Variants in MYO16 observed in about 807,000 individuals in gnomAD.
MYO16 encodes unconventional myosin-XVI.
In MYO16, 94 loss-of-function variants were observed where a neutral mutation model predicts 205.3. The ratio of observed to expected loss-of-function variants is 0.46; its 90% CI spans 0.39 to 0.54. The LOEUF is 0.54. MYO16 is among the 20% of genes least tolerant of loss of function. The pLI is 0.00. For missense variants in MYO16, 2,315 were observed against 2,387.5 expected, an observed-to-expected ratio of 0.97 and a Z score of 0.63; for synonymous variants, 988 against 954.0, an observed-to-expected ratio of 1.04 and a Z score of -0.66.
At chr13:109,143,150 T>C (rs1212595036) in intron 32 of MYO16, among the ~76,000 whole-genome samples, 2 of 152,096 alleles carry the variant, frequency 1.3e-5, no homozygotes, top group Non-Finnish European at 2.9e-5. Context: ...TATGCATGCA[T>C]TAACCTGCTC....
chr13:108,742,649 A>G (rs770922626), intron 4 of MYO16, among the ~76,000 whole-genome samples: 1 of 152,222 alleles, frequency 6.6e-6, no homozygotes, highest in South Asian at 2.1e-4. Flanking sequence ...CAGATTGAGA[A>G]GCCTTTTTGT....
At chr13:108,771,915 G>T (rs72668525) in intron 4 of MYO16, among the ~76,000 whole-genome samples, 1 of 152,148 alleles carries the variant, frequency 6.6e-6, no homozygotes. Context: ...TATCTTGGTT[G>T]CTTCTAAGTT....
chr13:108,724,791 G>A (rs940196017), intron 3 of MYO16, among the ~76,000 whole-genome samples: 4 of 151,586 alleles, frequency 2.6e-5, no homozygotes, highest in South Asian at 2.1e-4. Flanking sequence ...TCCCCTTCCC[G>A]CCTTTGTTTT....
In MYO16 at chr13:108,646,445, G is replaced by C. The variant is rs543603820; in HGVS notation, c.28+16573G>C. On this transcript the variant is annotated intron_variant, in intron 1 of 34. Transcript: ENST00000457511. ...TAATCAAAGTTATGGAAAAAAATCT[G>C]TTATGCATTAAGGGAATTCCTCGTG... Among the ~76,000 whole-genome samples, 408 of 152,302 alleles carry C rather than the reference G, an allele frequency of 2.7e-3. 1 individual carries two copies. The highest frequency in any genetic ancestry group is 0.01 in the Middle Eastern group (3 of 294).
intron 34 of MYO16, among the ~76,000 whole-genome samples, chr13:109,191,647 A>G (rs1466619197): frequency 1.3e-5 from 2 of 152,164 alleles, no homozygotes; most frequent in Non-Finnish European, 2.9e-5. Flanking sequence ...GCATGCCTGC[A>G]TTGCAAAAAG....
At chr13:108,580,735 A>T in the MYO16 span, among the ~76,000 whole-genome samples, 2 of 152,298 alleles carry the variant, frequency 1.3e-5, no homozygotes, top group Middle Eastern at 6.8e-3. Flanking sequence ...CCTGGAGATG[A>T]TCCCAGTGGC....
At chr13:108,554,829 G>A in the MYO16 span, among the ~76,000 whole-genome samples, 5 of 129,088 alleles carry the variant, frequency 3.9e-5, no homozygotes, top group African/African-American at 1.1e-4. Context: ...CAGCCTGGGC[G>A]ACAGAGAGAG....
At chr13:108,679,722 AT>A (rs200004209) in intron 2 of MYO16, among the ~76,000 whole-genome samples, 9,211 of 142,582 alleles carry the variant, frequency 0.065, 713 homozygotes, top group East Asian at 0.2. Context: ...AAAAAAAAAA[AT>A]AATAATAATA....
At chr13:108,954,751 A>G (rs1883283671) in intron 16 of MYO16, among the ~76,000 whole-genome samples, 1 of 152,136 alleles carries the variant, frequency 6.6e-6, no homozygotes, top group African/African-American at 2.4e-5. Flanking sequence ...AATAGTAATA[A>G]TAATAATAAA....
intron 34 of MYO16, among the ~76,000 whole-genome samples, chr13:109,201,025 T>C (rs949306222): frequency 1.3e-5 from 2 of 152,098 alleles, no homozygotes; most frequent in Non-Finnish European, 2.9e-5. Flanking sequence ...AACTGCTGGG[T>C]AGAGATTTGG....
intron 4 of MYO16, among the ~76,000 whole-genome samples, chr13:108,785,187 A>T (rs1000335751): frequency 2.6e-5 from 4 of 152,162 alleles, no homozygotes; most frequent in African/African-American, 9.6e-5. Context: ...TTCTGTGGAG[A>T]AAAAGGAGGT....
intron 3 of MYO16, among the ~76,000 whole-genome samples, chr13:108,714,203 C>T (rs1883839693): frequency 6.6e-6 from 1 of 152,026 alleles, no homozygotes; most frequent in African/African-American, 2.4e-5. Context: ...CTACAGGCAC[C>T]CGCCATCACG....
chr13:109,173,887 CAAAAAAA>C (rs778094207), intron 33 of MYO16, among the ~76,000 whole-genome samples: 475 of 29,040 alleles, frequency 0.016, 1 homozygote, highest in Non-Finnish European at 0.024. Flanking sequence ...GACTCCATCT[CAAAAAAA>C]AAAAAAAAAA....
At position 108,956,531 on chromosome 13, in the gene MYO16, C is replaced by T. The variant is rs201681129; in HGVS notation, c.1926-1157C>T. Among the ~76,000 whole-genome samples, 5 of 135,952 alleles carry T rather than the reference C, an allele frequency of 3.7e-5. No individual in the cohort carries two copies. The South Asian group carries it at 1.2e-3, about 32-fold the overall frequency. The allele number at this position is 135,952 out of a possible 152,430, so 89.2% of individuals were successfully genotyped here. On this transcript the variant is annotated intron_variant, in intron 16 of 34. Coordinates refer to ENST00000457511, the MANE Select transcript of MYO16 (RefSeq NM_001198950.3). ...AAGACATGACAAACTCTTTTTTTTTCCAAGCTATACAAAGCCCTGGCTACT... is the reference window on the plus strand; with the variant it reads ...AAGACATGACAAACTCTTTTTTTTTTCAAGCTATACAAAGCCCTGGCTACT...
intron 28 of MYO16, among the ~76,000 whole-genome samples, chr13:109,107,075 A>G (rs1889141466): frequency 6.6e-6 from 1 of 152,188 alleles, no homozygotes; most frequent in Non-Finnish European, 1.5e-5. Context: ...ACTTCATCCC[A>G]AGTACCGGCA....
At chr13:109,098,447 T>C (rs887393466) in intron 27 of MYO16, among the ~76,000 whole-genome samples, 3 of 152,128 alleles carry the variant, frequency 2.0e-5, no homozygotes, top group African/African-American at 7.2e-5. Flanking sequence ...AAAGAGGTGG[T>C]AGATGGTTGG....
intron 9 of MYO16, among the ~76,000 whole-genome samples, chr13:108,838,361 A>G (rs1055912302): frequency 2.0e-5 from 3 of 152,264 alleles, no homozygotes; most frequent in Middle Eastern, 3.4e-3. Flanking sequence ...AATTATAAAA[A>G]AAATAGGGAA....
rs184079001 is a variant in MYO16 at position 108,862,840 on chromosome 13, C to G, written c.1360-3337C>G. On this transcript the variant is annotated intron_variant, in intron 11 of 34. Coordinates refer to ENST00000457511, the MANE Select transcript of MYO16 (RefSeq NM_001198950.3). ...TTTTTCATTTCACAAAATGTTATAG[C>G]CCTTTTATTGGCCATCTTTAATTTC... 2.0e-5 allele frequency among the ~76,000 whole-genome samples: 3 copies of G among 152,128 alleles called. No homozygotes were observed. The East Asian group carries it at 5.8e-4, about 29-fold the overall frequency.
chr13:109,013,374 C>T lies in MYO16; in HGVS notation c.2595+4325C>T, dbSNP rs184531466. 5.5e-4 allele frequency among the ~76,000 whole-genome samples: 83 copies of T among 152,174 alleles called. 3 individuals carry two copies. The East Asian group carries it at 0.015, about 27-fold the overall frequency. The stretch of plus-strand genomic sequence containing the variant: ...CTTAATCCAGTCTATCATTGATGGA[C>T]ATTTGGGTTGGTTCCAAGTCTTTGT... On this transcript the variant is annotated intron_variant, in intron 22 of 34. Transcript: ENST00000457511.
Sources: gnomAD v4.1 joint callset for allele counts (sites outside exome capture counted in the v4.1 genomes callset) on GRCh38, gnomAD v4.1.1 for gene constraint, MANE v1.5 for transcripts, NCBI Gene and HGNC (gene_info 2026-07-23, HGNC 2026-07-21) for gene names.